Variants in KIAA1549 observed in about 807,000 individuals in gnomAD.
KIAA1549 encodes UPF0606 protein KIAA1549.
A neutral mutation model predicts 156.4 loss-of-function variants in KIAA1549; 70 were observed. The ratio of observed to expected loss-of-function variants is 0.45; its 90% CI spans 0.37 to 0.55. The LOEUF (loss-of-function observed/expected upper bound fraction) is 0.55, where lower values mean the gene tolerates loss of function less well. KIAA1549 is among the 20% of genes least tolerant of loss of function. KIAA1549 has a pLI of 0.00. For missense variants in KIAA1549, 2,428 were observed against 2,540.9 expected (o/e 0.96, Z 0.96); for synonymous variants, 1,103 against 1,066.4 (o/e 1.03, Z -0.67).
At chr7:138,940,476 C>T (rs1456380462) in intron 1 of KIAA1549, among the ~76,000 whole-genome samples, 8 of 150,644 alleles carry the variant, frequency 5.3e-5, no homozygotes, top group Admixed American at 2.6e-4. Context: ...AATAAACATA[C>T]GTGTGCATGT....
In KIAA1549 at chr7:138,903,838, TGTGTGTGTGTGTGTGCGCGC is replaced by T. The variant is rs1325613925; in HGVS notation, c.3521-122_3521-103del. The stretch of plus-strand genomic sequence containing the variant: ...GTGTGTGTGTGTGTGTGTGTGTGTG[TGTGTGTGTGTGTGTGCGCGC>T]GCGCGCGCGCGCACATATGTATTTG... On this transcript the variant is annotated intron_variant, in intron 7 of 19. Transcript: ENST00000422774. The T allele has an allele frequency of 1.9e-4, 99 of 534,392 alleles. 1 individual carries two copies. Among genetic ancestry groups the T allele is most frequent in the South Asian group, 1.8e-3 (69 of 38,776 alleles). 33.1% of individuals were successfully genotyped at this position (534,392 alleles called of 1,614,324 possible).
At chr7:138,939,997 TTTTTAA>T (rs1375021357) in intron 1 of KIAA1549, among the ~76,000 whole-genome samples, 8 of 152,246 alleles carry the variant, frequency 5.3e-5, no homozygotes, top group Non-Finnish European at 1.0e-4. Context: ...AAAAATTTTT[TTTTTAA>T]TTTTAATTTA....
rs756710275 is a variant in KIAA1549, at chr7:138,916,882, G to A, written c.2744C>T (p.Ala915Val). 34 of 1,613,750 alleles carry A rather than the reference G, an allele frequency of 2.1e-5. No individual in the cohort carries two copies. Among genetic ancestry groups the A allele is most frequent in the Non-Finnish European group, 2.4e-5 (28 of 1,179,852 alleles). The change falls in exon 2 of 20, where the codon GCT (alanine) becomes GTT (valine). Residue 915 changes from alanine to valine, a missense_variant. Ala to Val is a moderately conservative substitution (Grantham distance 64, BLOSUM62 0). This residue lies in a region of KIAA1549 where 762 missense variants were observed against 901.6 expected (regional missense o/e 0.85). Transcript: ENST00000422774. ...ASQSPPESSA[A>V]PPLPSLRPVT... Reference sequence around the variant, plus strand: ...GGGACGCAGGGATGGCAGGGGAGGAGCAGCACTACTCTCTGGGGGGCTCTG... The same window carrying A: ...GGGACGCAGGGATGGCAGGGGAGGAACAGCACTACTCTCTGGGGGGCTCTG...
At chr7:138,881,680 C>T in intron 10 of KIAA1549, 96 bp from the exon 11 acceptor site, 1 of 1,037,446 alleles carries the variant, frequency 9.6e-7, no homozygotes, top group Non-Finnish European at 1.4e-6. Flanking sequence ...CTGGCAATTC[C>T]ACAACTCCAA....
At chr7:138,961,199 A>G (rs142218094) in intron 1 of KIAA1549, among the ~76,000 whole-genome samples, 2 of 152,314 alleles carry the variant, frequency 1.3e-5, no homozygotes, top group African/African-American at 2.4e-5. Flanking sequence ...TTGTCCTCGG[A>G]GCAGTCTCAA....
rs376801932 is a variant in KIAA1549 at position 138,911,272 on chromosome 7, C to T, written c.3019G>A (p.Val1007Ile). ...TTTATGACGGATATTGCCGTGTAAA[C>T]GAAAGGACCGGATGTTACCAGAAAA... ...FTFLVTSGPF[V>I]YTAISVINVL... The change falls in exon 4 of 20, where the codon GTT (valine) becomes ATT (isoleucine). Residue 1007 changes from valine (V) to isoleucine (I), a missense_variant. By Grantham distance (29) the Val-to-Ile change is conservative. Transcript: ENST00000422774. 22 of 1,603,508 alleles carry T rather than the reference C, an allele frequency of 1.4e-5. No homozygotes were observed. The highest frequency in any genetic ancestry group is 1.7e-4 in the Middle Eastern group (1 of 6,046).
intron 10 of KIAA1549, among the ~76,000 whole-genome samples, chr7:138,889,712 C>A (rs1811495756): frequency 6.6e-6 from 1 of 152,152 alleles, no homozygotes; most frequent in Non-Finnish European, 1.5e-5. Context: ...TCCATTAGAT[C>A]CTTGCACTTC....
At chr7:138,980,922 T>C (rs1368752708) in intron 1 of KIAA1549, among the ~76,000 whole-genome samples, 161 bp downstream of exon 1, 1 of 152,138 alleles carries the variant, frequency 6.6e-6, no homozygotes, top group Non-Finnish European at 1.5e-5. Context: ...CGTGCCTTTA[T>C]TTGTTGGGCC....
intron 3 of KIAA1549, 85 bp downstream of exon 3, chr7:138,912,287 G>T: frequency 2.2e-6 from 2 of 911,442 alleles, no homozygotes; most frequent in Non-Finnish European, 3.6e-6. Flanking sequence ...TGATTCCATG[G>T]CCATAATCAC....
rs903559183 is a variant in KIAA1549 at position 138,833,860 on chromosome 7, C to G, written c.*4046G>C. On this transcript the variant is annotated 3_prime_UTR_variant, in exon 20 of 20. Coordinates refer to ENST00000422774, the MANE Select transcript of KIAA1549 (RefSeq NM_001164665.2). ...CTTCACAGCCCTGGTCGTTTCCTTG[C>G]TGCATGACTGCAAAAGCATCCTTCC... The G allele has an allele frequency of 8.6e-6, 2 of 232,894 alleles. No individual in the cohort carries two copies. The highest frequency in any genetic ancestry group is 3.6e-4 in the South Asian group (2 of 5,532). The allele number at this position is 232,894 out of a possible 1,614,324, so 14.4% of individuals were successfully genotyped here. A position where few individuals can be genotyped will look rare whatever the true frequency, so the allele number is the denominator to read the frequency against.
chr7:138,896,749 C>G (rs1259253399), intron 9 of KIAA1549, among the ~76,000 whole-genome samples: 1 of 151,904 alleles, frequency 6.6e-6, no homozygotes, highest in Non-Finnish European at 1.5e-5. Flanking sequence ...GCATGCCCCA[C>G]CATGCCCAGC....
rs1173772268 is a variant in KIAA1549 at position 138,837,524 on chromosome 7, C to T, written c.*382G>A. On this transcript the variant is annotated 3_prime_UTR_variant, in exon 20 of 20. Coordinates refer to ENST00000422774, the MANE Select transcript of KIAA1549 (RefSeq NM_001164665.2). ...AAGCAGCAGGTTCATCGTACACGTA[C>T]CAGTCTCAATCCCACAGAAACGCTT... 5.8e-6 allele frequency: 2 copies of T among 342,376 alleles called. No homozygotes were observed. Among genetic ancestry groups the T allele is most frequent in the African/African-American group, 4.1e-5 (2 of 48,286 alleles). 21.2% of individuals were successfully genotyped at this position (342,376 alleles called of 1,614,324 possible). A position where few individuals can be genotyped will look rare whatever the true frequency, so the allele number is the denominator to read the frequency against.
At chr7:138,913,076 G>A (rs188968713) in intron 2 of KIAA1549, among the ~76,000 whole-genome samples, 14 of 152,154 alleles carry the variant, frequency 9.2e-5, no homozygotes, top group Non-Finnish European at 1.0e-4. Context: ...GGGTTTCACC[G>A]TGTTAGCCAG....
chr7:138,942,686 G>A (rs952022739), intron 1 of KIAA1549, among the ~76,000 whole-genome samples: 2 of 151,994 alleles, frequency 1.3e-5, no homozygotes, highest in Non-Finnish European at 2.9e-5. Context: ...TGAGGCAGGC[G>A]GATCACAAGG....
chr7:138,954,112 G>A (rs1813585772), intron 1 of KIAA1549, among the ~76,000 whole-genome samples: 1 of 152,180 alleles, frequency 6.6e-6, no homozygotes, highest in Non-Finnish European at 1.5e-5. Context: ...AGTTAGATTA[G>A]TAATAAAAAT....
intron 10 of KIAA1549, among the ~76,000 whole-genome samples, chr7:138,884,835 G>A (rs1333154093): frequency 5.3e-5 from 8 of 152,160 alleles, no homozygotes; most frequent in African/African-American, 1.9e-4. Context: ...AAGATATCCC[G>A]CCCTTTCAGG....
At chr7:138,890,384 G>A (rs1811514491) in intron 10 of KIAA1549, among the ~76,000 whole-genome samples, 1 of 152,242 alleles carries the variant, frequency 6.6e-6, no homozygotes, top group Admixed American at 6.5e-5. Flanking sequence ...CCATCATGTA[G>A]CGAGTGCCAT....
chr7:138,860,305 A>G (rs962958532), intron 16 of KIAA1549, among the ~76,000 whole-genome samples: 1 of 152,208 alleles, frequency 6.6e-6, no homozygotes, highest in African/African-American at 2.4e-5. Flanking sequence ...TGAAGGAGAC[A>G]ATCTCTTGCT....
intron 1 of KIAA1549, among the ~76,000 whole-genome samples, chr7:138,952,901 G>A (rs1813541429): frequency 1.3e-5 from 2 of 152,202 alleles, no homozygotes; most frequent in Non-Finnish European, 2.9e-5. Context: ...CAAATAAGGA[G>A]CAAGTGAGTC....
Sources: gnomAD v4.1 joint callset for allele counts (sites outside exome capture counted in the v4.1 genomes callset) on GRCh38, gnomAD v4.1.1 for gene constraint, gnomAD v4.1.1 regional missense constraint, MANE v1.5 for transcripts, NCBI Gene and HGNC (gene_info 2026-07-23, HGNC 2026-07-21) for gene names.